Variants in IGFBPL1 observed in about 807,000 individuals in gnomAD.
IGFBPL1 encodes the protein insulin like growth factor binding protein like 1.
Under a neutral mutation model 23.9 loss-of-function variants are expected in IGFBPL1, and 20 were observed. The ratio of observed to expected loss-of-function variants is 0.84; its 90% confidence interval spans 0.59 to 1.22. The LOEUF (loss-of-function observed/expected upper bound fraction) is 1.22. Ranked by LOEUF, IGFBPL1 falls within the 50% of genes most tolerant of loss-of-function variation. The pLI is 0.00. For missense variants in IGFBPL1, 436 were observed against 379.3 expected (o/e 1.15, Z -1.24); for synonymous variants, 184 against 171.8 (o/e 1.07, Z -0.56).
At chr9:38,423,255 C>A (rs909285845) in intron 1 of IGFBPL1, among the ~76,000 whole-genome samples, 11 of 152,112 alleles carry the variant, frequency 7.2e-5, no homozygotes, top group Admixed American at 6.5e-4. Context: ...TTTCTAAGTC[C>A]CTAGCATTTC....
At chr9:38,420,342 C>T (rs962842105) in intron 1 of IGFBPL1, among the ~76,000 whole-genome samples, 2 of 152,204 alleles carry the variant, frequency 1.3e-5, no homozygotes, top group African/African-American at 4.8e-5. Flanking sequence ...CCCTTGCTAG[C>T]ATTGGGATTC....
chr9:38,423,572 C>A (rs1482437467), intron 1 of IGFBPL1, among the ~76,000 whole-genome samples: 1 of 151,744 alleles, frequency 6.6e-6, no homozygotes, highest in African/African-American at 2.4e-5. Context: ...CCTCTACTTC[C>A]CTTCCTCCCC....
Position 38,424,395 on chromosome 9 carries a change from C to A in IGFBPL1, c.30G>T (p.Leu10=). The part of the protein sequence containing the change: MPRLSLLLP[L]LLLLLLPLLP... ...GCAGCGGCAGCAGCAGCAGAAGCAG[C>A]AGCGGCAAGAGCAGAGACAAGCGCG... Residue 10 remains leucine (L), a synonymous_variant, in exon 1 of 5, where the codon CTG becomes CTT. Coordinates refer to ENST00000377694, the MANE Select transcript of IGFBPL1 (RefSeq NM_001007563.3). 1.6e-6 allele frequency: 1 copy of A among 639,396 alleles called. No homozygotes were observed. Among genetic ancestry groups the A allele is most frequent in the African/African-American group, 1.9e-5 (1 of 52,150 alleles). 39.6% of individuals were successfully genotyped at this position (639,396 alleles called of 1,614,324 possible).
Position 38,414,030 on chromosome 9 carries a change from T to TTC in IGFBPL1, c.570+62_570+63dup, listed in dbSNP as rs1199432912. 14 of 747,894 alleles carry TTC rather than the reference T, an allele frequency of 1.9e-5. No homozygotes were observed. In the African/African-American group the frequency reaches 2.9e-4, roughly 15 times the overall value. 46.3% of individuals were successfully genotyped at this position (747,894 alleles called of 1,614,324 possible). A position where few individuals can be genotyped will look rare whatever the true frequency, so the allele number is the denominator to read the frequency against. On this transcript the variant is annotated intron_variant, in intron 2 of 4. Transcript: ENST00000377694. Reference sequence around the variant, plus strand: ...ACCACTCACGTCTGTTTCTCCCTCTTTCTCACACACACACACACACACACA... The same window carrying TTC: ...ACCACTCACGTCTGTTTCTCCCTCTTTCTCTCACACACACACACACACACACA...
chr9:38,420,208 C>T (rs545602931), intron 1 of IGFBPL1, among the ~76,000 whole-genome samples: 2 of 152,320 alleles, frequency 1.3e-5, no homozygotes, highest in African/African-American at 4.8e-5. Context: ...CAGTGGCCTA[C>T]CCCAAACTAC....
rs756724587 is a variant in IGFBPL1, at chr9:38,408,597, G to A, written c.*630C>T. On this transcript the variant is annotated 3_prime_UTR_variant, in exon 5 of 5. Coordinates refer to ENST00000377694, the MANE Select transcript of IGFBPL1 (RefSeq NM_001007563.3). Reference sequence around the variant, plus strand: ...AGCTACAGCCAGCTGTCCACACGTTGGGGTAAAGCAATGGAATTTGTTTCT... The same window carrying A: ...AGCTACAGCCAGCTGTCCACACGTTAGGGTAAAGCAATGGAATTTGTTTCT... Among the ~76,000 whole-genome samples, 1 of 152,136 alleles carries A rather than the reference G, an allele frequency of 6.6e-6. No homozygotes were observed. Among genetic ancestry groups the A allele is most frequent in the Non-Finnish European group, 1.5e-5 (1 of 68,032 alleles).
chr9:38,418,789 C>T (rs1821633966), intron 1 of IGFBPL1, among the ~76,000 whole-genome samples: 1 of 152,068 alleles, frequency 6.6e-6, no homozygotes, highest in Admixed American at 6.6e-5. Context: ...CAAATCCAAC[C>T]ATCCAAGGGC....
chr9:38,413,561 A>G (rs934214492), intron 2 of IGFBPL1, among the ~76,000 whole-genome samples: 6 of 152,242 alleles, frequency 3.9e-5, no homozygotes, highest in African/African-American at 1.4e-4. Flanking sequence ...CAGACAGCAA[A>G]GACCCGAACA....
Position 38,408,265 on chromosome 9 carries a change from A to T in IGFBPL1, c.*962T>A, listed in dbSNP as rs1046802820. ...GACCCTGTCTCTACAAAAAAAAAAA[A>T]AAAAAAAAAAAAAATAGCTGGGTGT... On this transcript the variant is annotated 3_prime_UTR_variant, in exon 5 of 5. Coordinates refer to ENST00000377694, the MANE Select transcript of IGFBPL1 (RefSeq NM_001007563.3). Among the ~76,000 whole-genome samples, 18 of 104,334 alleles carry T rather than the reference A, an allele frequency of 1.7e-4. No individual in the cohort carries two copies. The highest frequency in any genetic ancestry group is 6.6e-4 in the African/African-American group (18 of 27,294). 68.4% of individuals were successfully genotyped at this position (104,334 alleles called of 152,430 possible).
chr9:38,419,604 T>C (rs1821646266), intron 1 of IGFBPL1, among the ~76,000 whole-genome samples: 1 of 152,100 alleles, frequency 6.6e-6, no homozygotes, highest in Admixed American at 6.5e-5. Flanking sequence ...TCCTATCTAA[T>C]TTATCATTTG....
At chr9:38,414,064 C>CACAT (rs1554661419) in intron 2 of IGFBPL1, 30 bp downstream of exon 2, 22 of 1,249,186 alleles carry the variant, frequency 1.8e-5, no homozygotes, top group Non-Finnish European at 2.5e-5. Context: ...CACACACACA[C>CACAT]GAGATGCATG....
chr9:38,421,552 C>A (rs550289684), intron 1 of IGFBPL1, among the ~76,000 whole-genome samples: 1 of 152,178 alleles, frequency 6.6e-6, no homozygotes, highest in South Asian at 2.1e-4. Context: ...AATCTAGGTG[C>A]TTGGGTACCC....
intron 3 of IGFBPL1, among the ~76,000 whole-genome samples, chr9:38,412,410 G>T (rs892535145): frequency 5.9e-5 from 9 of 152,090 alleles, no homozygotes; most frequent in Non-Finnish European, 7.4e-5. Flanking sequence ...GTACAGTGAC[G>T]ACCCAACATG....
At chr9:38,419,749 A>C (rs1821648371) in intron 1 of IGFBPL1, among the ~76,000 whole-genome samples, 1 of 152,130 alleles carries the variant, frequency 6.6e-6, no homozygotes, top group Non-Finnish European at 1.5e-5. Context: ...AGGCCATACC[A>C]CCTTACCAGT....
chr9:38,411,872 A>T (rs1386655565), intron 3 of IGFBPL1, among the ~76,000 whole-genome samples: 2 of 152,232 alleles, frequency 1.3e-5, no homozygotes, highest in Non-Finnish European at 2.9e-5. Flanking sequence ...TTAAAAGAAG[A>T]ACAAAAATCT....
At chr9:38,416,933 G>GGCCTT (rs1188035090) in intron 1 of IGFBPL1, among the ~76,000 whole-genome samples, 2 of 151,616 alleles carry the variant, frequency 1.3e-5, no homozygotes, top group African/African-American at 4.9e-5. Flanking sequence ...CTCCCATCTT[G>GGCCTT]GCCTTCCAAA....
chr9:38,411,582 T>C (rs1364953470), intron 3 of IGFBPL1, 33 bp from the exon 4 acceptor site: 1 of 1,594,172 alleles, frequency 6.3e-7, no homozygotes, highest in East Asian at 2.2e-5. Flanking sequence ...TATACAGTTA[T>C]ATAAGGAACA....
intron 1 of IGFBPL1, among the ~76,000 whole-genome samples, chr9:38,419,336 C>T (rs1250251469): frequency 6.6e-6 from 1 of 152,156 alleles, no homozygotes; most frequent in Non-Finnish European, 1.5e-5. Context: ...CAGCTTAATC[C>T]TGCTCCCTGC....
intron 1 of IGFBPL1, among the ~76,000 whole-genome samples, chr9:38,420,030 C>T (rs1442057006): frequency 6.6e-6 from 1 of 152,174 alleles, no homozygotes; most frequent in Non-Finnish European, 1.5e-5. Flanking sequence ...GCTGGGACTA[C>T]AGGCACATGC....
Sources: gnomAD v4.1 joint callset for allele counts (sites outside exome capture counted in the v4.1 genomes callset) on GRCh38, gnomAD v4.1.1 for gene constraint, MANE v1.5 for transcripts, NCBI Gene and HGNC (gene_info 2026-07-23, HGNC 2026-07-21) for gene names.